Variants in FBXL17 observed in about 807,000 individuals in gnomAD.
The protein encoded by FBXL17 is F-box and leucine rich repeat protein 17, also known as F-box/LRR-repeat protein 17.
A neutral mutation model predicts 66.2 loss-of-function variants in FBXL17; 22 were observed. The ratio of observed to expected loss-of-function variants is 0.33; its 90% CI spans 0.24 to 0.47. The LOEUF is 0.47. FBXL17 is among the 20% of genes least tolerant of loss of function. The probability of loss-of-function intolerance (pLI) is 1.00; values close to 1 mark genes in which losing one functional copy is unlikely to be tolerated. For missense variants in FBXL17, 878 were observed against 948.2 expected, an observed-to-expected ratio of 0.93 and a Z score of 0.97; for synonymous variants, 474 against 400.5, an observed-to-expected ratio of 1.18 and a Z score of -2.19.
chr5:108,375,530 T>C (rs1052239279), intron 1 of FBXL17, among the ~76,000 whole-genome samples: 3 of 152,004 alleles, frequency 2.0e-5, no homozygotes, highest in African/African-American at 7.3e-5. Context: ...ACCAAATTGA[T>C]GAAATAGATG....
intron 5 of FBXL17, among the ~76,000 whole-genome samples, chr5:108,211,675 G>C (rs1444098194): frequency 6.6e-6 from 1 of 152,166 alleles, no homozygotes; most frequent in Non-Finnish European, 1.5e-5. Context: ...CTGGCTTGTA[G>C]GATTTCTACA....
chr5:108,121,369 G>T (rs1379915775), intron 6 of FBXL17, among the ~76,000 whole-genome samples: 1 of 151,754 alleles, frequency 6.6e-6, no homozygotes, highest in Non-Finnish European at 1.5e-5. Flanking sequence ...TTTTGGCAAT[G>T]GAATACATAA....
At chr5:108,274,182 T>C (rs1757389778) in intron 4 of FBXL17, among the ~76,000 whole-genome samples, 1 of 152,180 alleles carries the variant, frequency 6.6e-6, no homozygotes, top group South Asian at 2.1e-4. Flanking sequence ...TGACCAAAAT[T>C]TATTAGGTGT....
intron 7 of FBXL17, among the ~76,000 whole-genome samples, chr5:107,951,607 C>T (rs1751500508): frequency 6.6e-6 from 1 of 152,146 alleles, no homozygotes; most frequent in South Asian, 2.1e-4. Context: ...GAGCAGATGG[C>T]CAAGAAATCA....
intron 6 of FBXL17, among the ~76,000 whole-genome samples, chr5:108,125,440 A>T (rs536494049): frequency 6.6e-6 from 1 of 152,132 alleles, no homozygotes; most frequent in East Asian, 1.9e-4. Context: ...GAATCAATAA[A>T]AGTAGGTCAC....
At chr5:108,232,643 T>C (rs1167310122) in intron 4 of FBXL17, among the ~76,000 whole-genome samples, 3 of 151,264 alleles carry the variant, frequency 2.0e-5, no homozygotes, top group Non-Finnish European at 1.5e-5. Context: ...TCTCCCGTGC[T>C]GGATGCTACC....
rs369124980 is a variant in FBXL17 at position 108,283,857 on chromosome 5, C to T, written c.1507-59629G>A. Among the ~76,000 whole-genome samples the T allele has an allele frequency of 2.6e-5, 4 of 151,524 alleles. No individual in the cohort carries two copies. In the East Asian group the frequency reaches 5.8e-4, roughly 22 times the overall value. On this transcript the variant is annotated intron_variant, in intron 4 of 8. Transcript: ENST00000542267. ...CAACAACCAAAGACTACAAATAACC[C>T]CATTTAAAAGATAGCAAAAGAAATG... is the stretch of plus-strand genomic sequence containing the variant.
At chr5:108,368,092 G>T in intron 1 of FBXL17, 139 bp from the exon 2 acceptor site, 2 of 753,314 alleles carry the variant, frequency 2.7e-6, no homozygotes, top group Non-Finnish European at 2.1e-6. Context: ...GTAAGTCACC[G>T]TAAGAGATCA....
intron 7 of FBXL17, 175 bp downstream of exon 7, chr5:108,020,750 T>C (rs1754565816): frequency 7.8e-6 from 4 of 510,680 alleles, no homozygotes; most frequent in African/African-American, 3.8e-5. Flanking sequence ...ATATTCATTT[T>C]ACTCTGGTTC....
chr5:108,322,843 T>C (rs1298784858), intron 4 of FBXL17, among the ~76,000 whole-genome samples: 1 of 151,932 alleles, frequency 6.6e-6, no homozygotes, highest in Non-Finnish European at 1.5e-5. Flanking sequence ...ACTTACTGTA[T>C]GCAAGACTCC....
chr5:108,376,300 A>C (rs1229266324), intron 1 of FBXL17, among the ~76,000 whole-genome samples: 5 of 152,198 alleles, frequency 3.3e-5, no homozygotes, highest in African/African-American at 1.2e-4. Context: ...GAATATAAAC[A>C]AAAGGCATCC....
chr5:107,972,679 GTTA>G (rs1297761625), intron 7 of FBXL17, among the ~76,000 whole-genome samples: 5 of 152,022 alleles, frequency 3.3e-5, no homozygotes, highest in Non-Finnish European at 7.4e-5. Flanking sequence ...CTATAAGACA[GTTA>G]TTAAGTCACC....
intron 6 of FBXL17, among the ~76,000 whole-genome samples, chr5:108,094,435 T>C (rs1749296869): frequency 1.3e-5 from 2 of 152,128 alleles, no homozygotes; most frequent in Non-Finnish European, 2.9e-5. Flanking sequence ...TTGAACACCA[T>C]GTAACCATTT....
chr5:108,064,378 G>A (rs990441241), intron 6 of FBXL17, among the ~76,000 whole-genome samples: 2 of 152,120 alleles, frequency 1.3e-5, no homozygotes, highest in Non-Finnish European at 2.9e-5. Flanking sequence ...AATAAAAACT[G>A]AAGAAAAGAA....
chr5:108,332,941 C>CAAAAAAAAAAAAAAAAAAAAAAAAAAA, intron 4 of FBXL17, among the ~76,000 whole-genome samples: 1 of 34,762 alleles, frequency 2.9e-5, no homozygotes, highest in Non-Finnish European at 4.6e-5. Flanking sequence ...AAAGCAAAAG[C>CAAAAAAAAAAAAAAAAAAAAAAAAAAA]AAAAAAAAAA....
chr5:108,228,480 A>G (rs916767233), intron 4 of FBXL17, among the ~76,000 whole-genome samples: 1 of 152,112 alleles, frequency 6.6e-6, no homozygotes, highest in African/African-American at 2.4e-5. Context: ...TCTCCTCTCT[A>G]TACACTTTGT....
At chr5:108,053,594 A>T (rs1747568588) in intron 6 of FBXL17, among the ~76,000 whole-genome samples, 1 of 152,224 alleles carries the variant, frequency 6.6e-6, no homozygotes, top group South Asian at 2.1e-4. Flanking sequence ...AATGGCAATT[A>T]TTAAAGTCAA....
intron 7 of FBXL17, among the ~76,000 whole-genome samples, chr5:107,948,621 C>T (rs1751392112): frequency 6.6e-6 from 1 of 152,212 alleles, no homozygotes; most frequent in African/African-American, 2.4e-5. Flanking sequence ...TGCCACTCCC[C>T]AGGGAACCCT....
rs187224117 is a variant in FBXL17 at position 107,953,695 on chromosome 5, C to T, written c.1822+67230G>A. 2.3e-3 allele frequency among the ~76,000 whole-genome samples: 350 copies of T among 152,292 alleles called. 3 individuals carry two copies. Among genetic ancestry groups the T allele is most frequent in the African/African-American group, 8.0e-3 (331 of 41,572 alleles). Reference sequence around the variant, plus strand: ...CTTTCTTCACTAATGATGTCTCACTCTCTAGGTAATCCCTGCATGAAATCG... The same window carrying T: ...CTTTCTTCACTAATGATGTCTCACTTTCTAGGTAATCCCTGCATGAAATCG... On this transcript the variant is annotated intron_variant, in intron 7 of 8. Coordinates refer to ENST00000542267, the MANE Select transcript of FBXL17 (RefSeq NM_001163315.3).
Sources: gnomAD v4.1 joint callset for allele counts (sites outside exome capture counted in the v4.1 genomes callset) on GRCh38, gnomAD v4.1.1 for gene constraint, MANE v1.5 for transcripts, NCBI Gene and HGNC (gene_info 2026-07-23, HGNC 2026-07-21) for gene names.